Variants in ROCK1 observed in about 807,000 individuals in gnomAD.
The protein encoded by ROCK1 is Rho associated coiled-coil containing protein kinase 1.
A neutral mutation model predicts 196.8 loss-of-function variants in ROCK1; 36 were observed. The ratio of observed to expected loss-of-function variants is 0.18; its 90% CI spans 0.14 to 0.24. The LOEUF is 0.24. Among genes scored for constraint, ROCK1 ranks in the 10% least tolerant of loss-of-function variants. The pLI, the probability that ROCK1 is intolerant of heterozygous loss-of-function variation, is 1.00. For missense variants in ROCK1, 920 were observed against 1,562.0 expected, an observed-to-expected ratio of 0.59 and a Z score of 6.93; for synonymous variants, 443 against 515.9, an observed-to-expected ratio of 0.86 and a Z score of 1.91.
intron 18 of ROCK1, among the ~76,000 whole-genome samples, chr18:20,987,370 G>A (rs1037128631): frequency 2.0e-5 from 3 of 152,022 alleles, no homozygotes; most frequent in African/African-American, 7.2e-5. Flanking sequence ...GAGATTAATC[G>A]GTACCACTTT....
At chr18:21,088,869 A>G (rs984534415) in intron 1 of ROCK1, among the ~76,000 whole-genome samples, 1 of 152,248 alleles carries the variant, frequency 6.6e-6, no homozygotes, top group Non-Finnish European at 1.5e-5. Flanking sequence ...CCCTCATCAG[A>G]GAACCAAACC....
At chr18:20,964,014 A>G (rs1193531642) in intron 27 of ROCK1, among the ~76,000 whole-genome samples, 1 of 152,160 alleles carries the variant, frequency 6.6e-6, no homozygotes, top group Non-Finnish European at 1.5e-5. Context: ...GCCACTAAGG[A>G]TTCATAGAGG....
At chr18:20,997,323 CA>C (rs1161306781) in intron 16 of ROCK1, among the ~76,000 whole-genome samples, 1 of 151,460 alleles carries the variant, frequency 6.6e-6, no homozygotes, top group Non-Finnish European at 1.5e-5. Context: ...AAAACAAAAA[CA>C]AAAAAAGAGC....
chr18:21,111,281 G>A lies in ROCK1; in HGVS notation c.-371C>T. The A allele has an allele frequency of 2.1e-6, 1 of 469,996 alleles. No individual in the cohort carries two copies. The highest frequency in any genetic ancestry group is 3.3e-5 in the East Asian group (1 of 30,276). 29.1% of individuals were successfully genotyped at this position (469,996 alleles called of 1,614,324 possible). On this transcript the variant is annotated 5_prime_UTR_variant, in exon 1 of 33. Coordinates refer to ENST00000399799, the MANE Select transcript of ROCK1 (RefSeq NM_005406.3). This position sits in a 1 kb window ranked among gnomAD's most constrained non-coding sequence, Gnocchi z 4.2. ...CCCGAGATGGGCAGGAGCGGGTAGA[G>A]AAAGAGAAGCAGGGTGGAGACTCCC...
intron 2 of ROCK1, among the ~76,000 whole-genome samples, chr18:21,055,020 T>C (rs1317743137): frequency 6.6e-6 from 1 of 152,204 alleles, no homozygotes; most frequent in African/African-American, 2.4e-5. Flanking sequence ...GTTGCACTGA[T>C]AGCCTCTTTT....
At chr18:20,988,170 A>C (rs2035593178) in intron 18 of ROCK1, among the ~76,000 whole-genome samples, 1 of 151,978 alleles carries the variant, frequency 6.6e-6, no homozygotes, top group Non-Finnish European at 1.5e-5. Flanking sequence ...GATTCTAAGA[A>C]TACTCCTGCC....
intron 22 of ROCK1, among the ~76,000 whole-genome samples, chr18:20,973,751 A>G (rs59730080): frequency 0.01 from 1,533 of 151,870 alleles, 21 homozygotes; most frequent in African/African-American, 0.036. Flanking sequence ...AAATAAATAC[A>G]ATGGACAATT....
chr18:20,959,860 T>G lies in ROCK1; in HGVS notation c.3492A>C (p.Pro1164=). 1 of 1,608,440 alleles carries G rather than the reference T, an allele frequency of 6.2e-7. No individual in the cohort carries two copies. The highest frequency in any genetic ancestry group is 8.5e-7 in the Non-Finnish European group (1 of 1,176,266). Residue 1164 remains proline, a synonymous_variant, in exon 29 of 33, where the codon CCA becomes CCC. Coordinates refer to ENST00000399799, the MANE Select transcript of ROCK1 (RefSeq NM_005406.3). ...NDEQDKEQSN[P]SMVLDIDKLF... ...CTTACTCTATGTCCAATACCATAGA[T>G]GGATTGGATTGCTCCTTATCTTGTT...
At chr18:21,048,430 T>G (rs546459036) in intron 4 of ROCK1, among the ~76,000 whole-genome samples, 1 of 152,240 alleles carries the variant, frequency 6.6e-6, no homozygotes, top group East Asian at 1.9e-4. Flanking sequence ...CAATATTAAC[T>G]AAAAGTATCT....
intron 16 of ROCK1, 110 bp downstream of exon 16, chr18:21,006,241 T>G (rs2035767631): frequency 1.2e-6 from 1 of 812,322 alleles, no homozygotes; most frequent in African/African-American, 1.7e-5. Flanking sequence ...GATGGTTGCA[T>G]ACATTGTGAA....
chr18:21,006,420 G>A lies in ROCK1; in HGVS notation c.1816C>T (p.Leu606=), dbSNP rs2035769361. ...KSQTDKDYYQ[L]QAILEAERRD... ...CGTTCAGCTTCTAATATAGCTTGCA[G>A]CTGGTAATAATCTTTGTCTGTTTGT... The change falls in exon 16 of 33, where the codon CTG becomes TTG. Residue 606 remains leucine, a synonymous_variant. Coordinates refer to ENST00000399799, the MANE Select transcript of ROCK1 (RefSeq NM_005406.3). The A allele has an allele frequency of 2.5e-6, 4 of 1,613,508 alleles. No homozygotes were observed. Among genetic ancestry groups the A allele is most frequent in the Non-Finnish European group, 3.4e-6 (4 of 1,179,924 alleles).
chr18:21,026,939 C>CTTTTTTTT (rs1208782541), intron 10 of ROCK1, among the ~76,000 whole-genome samples: 1 of 136,284 alleles, frequency 7.3e-6, no homozygotes, highest in African/African-American at 2.7e-5. Flanking sequence ...CTTTTTCTTT[C>CTTTTTTTT]TTTTTTTTTT....
intron 14 of ROCK1, among the ~76,000 whole-genome samples, chr18:21,007,166 A>G (rs2035775570): frequency 6.6e-6 from 1 of 152,138 alleles, no homozygotes; most frequent in Non-Finnish European, 1.5e-5. Context: ...CAAATGGTAG[A>G]TAGTATAGAA....
intron 1 of ROCK1, among the ~76,000 whole-genome samples, chr18:21,106,137 G>A (rs1208289788): frequency 2.0e-5 from 3 of 152,050 alleles, no homozygotes; most frequent in East Asian, 1.9e-4. Context: ...TGTCTCCTCC[G>A]CTCACCCGTT....
At chr18:21,073,782 G>A (rs1233717259) in intron 1 of ROCK1, among the ~76,000 whole-genome samples, 1 of 152,126 alleles carries the variant, frequency 6.6e-6, no homozygotes, top group Non-Finnish European at 1.5e-5. Context: ...ACTAAAGACT[G>A]CTGACCAACT....
At chr18:21,086,743 C>T (rs1261636912) in intron 1 of ROCK1, among the ~76,000 whole-genome samples, 5 of 147,644 alleles carry the variant, frequency 3.4e-5, no homozygotes, top group East Asian at 3.9e-4. Flanking sequence ...AATGTCAAAC[C>T]GAAATTCTAC....
At chr18:20,987,163 C>G in intron 18 of ROCK1, 53 bp from the exon 19 acceptor site, 1 of 1,536,214 alleles carries the variant, frequency 6.5e-7, no homozygotes, top group Non-Finnish European at 8.9e-7. Context: ...TACTTTAACA[C>G]ATTTCACTTT....
intron 9 of ROCK1, among the ~76,000 whole-genome samples, chr18:21,033,018 AC>A (rs1024826050): frequency 6.7e-6 from 1 of 149,772 alleles, no homozygotes; most frequent in Non-Finnish European, 1.5e-5. Context: ...ACATAGCAAG[AC>A]CCCAGCTCTA....
At chr18:21,039,703 G>A (rs2143499868) in intron 8 of ROCK1, 140 bp from the exon 9 acceptor site, 1 of 585,360 alleles carries the variant, frequency 1.7e-6, no homozygotes, top group African/African-American at 1.9e-5. Flanking sequence ...TGTCAGCATA[G>A]TATCAGCCCA....
Sources: gnomAD v4.1 joint callset for allele counts (sites outside exome capture counted in the v4.1 genomes callset) on GRCh38, gnomAD v4.1.1 for gene constraint, Gnocchi (gnomAD v3.1) non-coding constraint, MANE v1.5 for transcripts, NCBI Gene and HGNC (gene_info 2026-07-23, HGNC 2026-07-21) for gene names.